Variants in PDSS2 observed in about 807,000 individuals in gnomAD.
PDSS2 encodes the protein all trans-polyprenyl-diphosphate synthase PDSS2.
In PDSS2, 31 loss-of-function variants were observed where a neutral mutation model predicts 44.5. The ratio of observed to expected loss-of-function variants is 0.70; its 90% CI spans 0.52 to 0.94. The LOEUF is 0.94. Ranked by LOEUF, PDSS2 falls within the 40% of genes least tolerant of loss-of-function variation. The pLI is 0.00. For synonymous variants in PDSS2, 157 were observed against 180.3 expected, an observed-to-expected ratio of 0.87 and a Z score of 1.03; for missense variants, 452 against 482.2, an observed-to-expected ratio of 0.94 and a Z score of 0.59.
At chr6:107,323,086 T>A (rs1330633216) in intron 2 of PDSS2, among the ~76,000 whole-genome samples, 1 of 152,194 alleles carries the variant, frequency 6.6e-6, no homozygotes, top group Non-Finnish European at 1.5e-5. Context: ...TATCATCTTA[T>A]GTGAGGGGTG....
At chr6:107,164,168 A>ATT (rs66481350) in intron 7 of PDSS2, among the ~76,000 whole-genome samples, 47 of 150,386 alleles carry the variant, frequency 3.1e-4, no homozygotes, top group African/African-American at 6.6e-4. Flanking sequence ...CTTAAAAAAA[A>ATT]TTTTTTTTTT....
intron 3 of PDSS2, among the ~76,000 whole-genome samples, chr6:107,265,658 T>A (rs752616234): frequency 2.6e-5 from 4 of 152,146 alleles, no homozygotes; most frequent in Non-Finnish European, 4.4e-5. Flanking sequence ...ATAAGAAAAC[T>A]TGGCCAGGTG....
chr6:107,239,634 CTTTTT>C (rs1177940710), intron 4 of PDSS2, among the ~76,000 whole-genome samples: 1 of 76,926 alleles, frequency 1.3e-5, no homozygotes, highest in Non-Finnish European at 2.3e-5. Context: ...TGTACTCTAC[CTTTTT>C]TTTTTTTTTT....
chr6:107,180,846 T>A (rs1446812356), intron 7 of PDSS2, among the ~76,000 whole-genome samples: 1 of 152,338 alleles, frequency 6.6e-6, no homozygotes, highest in Non-Finnish European at 1.5e-5. Flanking sequence ...ATTTACTTTT[T>A]ATTTATTTAT....
intron 2 of PDSS2, among the ~76,000 whole-genome samples, chr6:107,333,398 G>A (rs1777772555): frequency 6.6e-6 from 1 of 151,992 alleles, no homozygotes; most frequent in Non-Finnish European, 1.5e-5. Context: ...CAAAAAATGA[G>A]TAATACATAC....
At chr6:107,297,028 T>C (rs1035703817) in intron 2 of PDSS2, among the ~76,000 whole-genome samples, 2 of 152,154 alleles carry the variant, frequency 1.3e-5, no homozygotes, top group South Asian at 2.1e-4. Context: ...AAGCACTGCA[T>C]AGAGAGTAAA....
intron 1 of PDSS2, among the ~76,000 whole-genome samples, chr6:107,343,817 G>A (rs1778154251): frequency 6.6e-6 from 1 of 152,084 alleles, no homozygotes; most frequent in Admixed American, 6.5e-5. Flanking sequence ...ATTTTTCTGT[G>A]TGCTTGAAAT....
intron 2 of PDSS2, among the ~76,000 whole-genome samples, chr6:107,280,208 CG>C (rs1488962603): frequency 6.6e-6 from 1 of 152,050 alleles, no homozygotes; most frequent in East Asian, 1.9e-4. Context: ...TACAGGCATG[CG>C]CCATGATGTC....
intron 7 of PDSS2, among the ~76,000 whole-genome samples, chr6:107,162,318 A>G (rs1554246829): frequency 2.0e-5 from 3 of 151,922 alleles, no homozygotes; most frequent in Non-Finnish European, 4.4e-5. Context: ...AACATGGTGT[A>G]ACCCCATCTC....
rs148520827 is a variant in PDSS2, at chr6:107,170,619, CA to C, written c.1042-15843del. On this transcript the variant is annotated intron_variant, in intron 7 of 7. Coordinates refer to ENST00000369037, the MANE Select transcript of PDSS2 (RefSeq NM_020381.4). ...CATCTTGGAACCACCCCCCCCCCCC[CA>C]CTTTTTTTTTTCTGAGACAGCCTCA... Among the ~76,000 whole-genome samples, 696 of 82,758 alleles carry C rather than the reference CA, an allele frequency of 8.4e-3. 3 individuals carry two copies. The highest frequency in any genetic ancestry group is 0.017 in the Admixed American group (151 of 9,126). 54.3% of individuals were successfully genotyped at this position (82,758 alleles called of 152,430 possible). A position where few individuals can be genotyped will look rare whatever the true frequency, so the allele number is the denominator to read the frequency against.
intron 3 of PDSS2, among the ~76,000 whole-genome samples, chr6:107,263,322 A>T (rs1775307349): frequency 6.6e-6 from 1 of 152,072 alleles, no homozygotes; most frequent in African/African-American, 2.4e-5. Context: ...GCATGGTGGC[A>T]GGCGCCTGTA....
intron 7 of PDSS2, among the ~76,000 whole-genome samples, chr6:107,155,664 T>C (rs1770862814): frequency 6.7e-6 from 1 of 149,758 alleles, no homozygotes. Context: ...ACAGCAACCT[T>C]CGCCTCTCGG....
intron 7 of PDSS2, among the ~76,000 whole-genome samples, chr6:107,163,750 A>ATG (rs1554247110): frequency 6.6e-6 from 1 of 151,948 alleles, no homozygotes; most frequent in Admixed American, 6.6e-5. Context: ...TTACAGGTGC[A>ATG]TGCCACCACA....
chr6:107,156,175 C>T (rs1770886968), intron 7 of PDSS2, among the ~76,000 whole-genome samples: 2 of 150,840 alleles, frequency 1.3e-5, no homozygotes, highest in African/African-American at 4.9e-5. Flanking sequence ...CAGGCGTAAG[C>T]CACTGTGCCC....
intron 1 of PDSS2, among the ~76,000 whole-genome samples, chr6:107,361,789 G>A (rs552891475): frequency 1.3e-5 from 2 of 152,306 alleles, no homozygotes; most frequent in South Asian, 4.2e-4. Context: ...AGTAATTTGA[G>A]CACTCTGCAA....
At chr6:107,381,267 T>C (rs1779447232) in intron 1 of PDSS2, among the ~76,000 whole-genome samples, 1 of 152,240 alleles carries the variant, frequency 6.6e-6, no homozygotes, top group African/African-American at 2.4e-5. Context: ...CCAGCCCATC[T>C]TTCTTGTTTT....
At chr6:107,178,775 C>T (rs912321850) in intron 7 of PDSS2, among the ~76,000 whole-genome samples, 1 of 152,138 alleles carries the variant, frequency 6.6e-6, no homozygotes, top group Non-Finnish European at 1.5e-5. Context: ...AATCCCAGCA[C>T]TTTGGGAGGC....
At chr6:107,279,963 T>C (rs926423137) in intron 2 of PDSS2, among the ~76,000 whole-genome samples, 1 of 152,218 alleles carries the variant, frequency 6.6e-6, no homozygotes, top group Non-Finnish European at 1.5e-5. Context: ...AGCAATCTAT[T>C]AAACTTTCAA....
At chr6:107,363,755 G>C (rs999125987) in intron 1 of PDSS2, among the ~76,000 whole-genome samples, 12 of 152,176 alleles carry the variant, frequency 7.9e-5, no homozygotes, top group African/African-American at 2.9e-4. Flanking sequence ...CGAGTGGCCT[G>C]TTTTGTCAGG....
Sources: gnomAD v4.1 joint callset for allele counts (sites outside exome capture counted in the v4.1 genomes callset) on GRCh38, gnomAD v4.1.1 for gene constraint, MANE v1.5 for transcripts, NCBI Gene and HGNC (gene_info 2026-07-23, HGNC 2026-07-21) for gene names.